Variants in SPAG16 observed in about 807,000 individuals in gnomAD.
SPAG16 encodes sperm associated antigen 16.
A neutral mutation model predicts 80.4 loss-of-function variants in SPAG16; 86 were observed. The ratio of observed to expected loss-of-function variants is 1.07; its 90% CI spans 0.90 to 1.28. The LOEUF (loss-of-function observed/expected upper bound fraction) is 1.28. SPAG16 is among the 50% of genes most tolerant of loss of function. The probability of loss-of-function intolerance (pLI) is 0.00; values close to 1 mark genes in which losing one functional copy is unlikely to be tolerated. For synonymous variants in SPAG16, 294 were observed against 265.9 expected (o/e 1.11, Z -1.03); for missense variants, 870 against 765.3 (o/e 1.14, Z -1.61).
At chr2:213,889,166 G>GA (rs1461725799) in intron 11 of SPAG16, among the ~76,000 whole-genome samples, 1 of 151,844 alleles carries the variant, frequency 6.6e-6, no homozygotes, top group African/African-American at 2.4e-5. Flanking sequence ...TAAGAAGATA[G>GA]AAAGCCATCT....
intron 10 of SPAG16, among the ~76,000 whole-genome samples, chr2:213,608,467 T>C (rs2061338714): frequency 6.6e-6 from 1 of 152,216 alleles, no homozygotes. Flanking sequence ...AATGATGGTT[T>C]CCAGCTTCAT....
intron 9 of SPAG16, among the ~76,000 whole-genome samples, chr2:213,447,586 G>C (rs1313074850): frequency 6.6e-6 from 1 of 152,208 alleles, no homozygotes; most frequent in Admixed American, 6.5e-5. Context: ...CCCTCGGATT[G>C]CTTCTTTATG....
At chr2:213,577,309 T>C (rs1193066466) in intron 10 of SPAG16, among the ~76,000 whole-genome samples, 1 of 152,180 alleles carries the variant, frequency 6.6e-6, no homozygotes, top group East Asian at 1.9e-4. Context: ...ATCTACTTCC[T>C]GTATCATCTT....
intron 13 of SPAG16, among the ~76,000 whole-genome samples, chr2:214,067,646 A>C (rs561273399): frequency 2.0e-5 from 3 of 152,236 alleles, no homozygotes; most frequent in South Asian, 4.1e-4. Context: ...AAAAAAAAAA[A>C]CTAAAATTTT....
rs79951501 is a variant in SPAG16 at position 214,185,385 on chromosome 2, T to C, written c.1720+36119T>C. Among the ~76,000 whole-genome samples the C allele has an allele frequency of 3.8e-4, 58 of 152,112 alleles. No homozygotes were observed. In the East Asian group the frequency reaches 0.01, roughly 26 times the overall value. ...AGTTACTGGGTAGAAGCAGTTTGTGTTTGGAAATGAGAATACTAATTTGGA... is the reference window on the plus strand; with the variant it reads ...AGTTACTGGGTAGAAGCAGTTTGTGCTTGGAAATGAGAATACTAATTTGGA... On this transcript the variant is annotated intron_variant, in intron 15 of 15. Transcript: ENST00000331683.
chr2:213,582,593 T>C (rs1443415339), intron 10 of SPAG16, among the ~76,000 whole-genome samples: 2 of 152,184 alleles, frequency 1.3e-5, no homozygotes, highest in Admixed American at 1.3e-4. Flanking sequence ...GTTTAAGTTA[T>C]TTTTTGTGCT....
At chr2:213,833,202 G>A (rs1041545454) in intron 10 of SPAG16, among the ~76,000 whole-genome samples, 2 of 149,416 alleles carry the variant, frequency 1.3e-5, no homozygotes, top group African/African-American at 2.5e-5. Flanking sequence ...ATCCTTCCTC[G>A]CTTCAAATAC....
chr2:213,853,167 C>A (rs1009285215), intron 10 of SPAG16, among the ~76,000 whole-genome samples: 1 of 152,194 alleles, frequency 6.6e-6, no homozygotes, highest in East Asian at 1.9e-4. Flanking sequence ...GAAACATTTA[C>A]AATGTTGAAT....
intron 10 of SPAG16, among the ~76,000 whole-genome samples, chr2:213,625,068 CA>C (rs1291387915): frequency 1.3e-5 from 2 of 152,322 alleles, no homozygotes; most frequent in South Asian, 2.1e-4. Context: ...GCTGGAATTT[CA>C]GGCTTGAGCC....
chr2:213,971,175 A>G (rs7574563), intron 12 of SPAG16, among the ~76,000 whole-genome samples: 62,980 of 151,982 alleles, frequency 0.41, 13,079 homozygotes, highest in South Asian at 0.5. Flanking sequence ...AAAGATATTA[A>G]TCAGAAATGT....
At chr2:213,618,546 C>A (rs897201826) in intron 10 of SPAG16, among the ~76,000 whole-genome samples, 2 of 152,142 alleles carry the variant, frequency 1.3e-5, no homozygotes, top group African/African-American at 2.4e-5. Context: ...TTACTTAAAT[C>A]CAAAGCTATC....
At chr2:214,155,379 A>G (rs1393773284) in intron 15 of SPAG16, among the ~76,000 whole-genome samples, 1 of 152,174 alleles carries the variant, frequency 6.6e-6, no homozygotes, top group African/African-American at 2.4e-5. Context: ...CTCTTTTCAT[A>G]TATGGAGCTT....
chr2:213,832,898 A>G (rs2250423), intron 10 of SPAG16, among the ~76,000 whole-genome samples: 18 of 152,248 alleles, frequency 1.2e-4, no homozygotes, highest in African/African-American at 4.1e-4. Flanking sequence ...ACCAAGTGAT[A>G]GGCGAGGAAA....
chr2:213,737,856 T>C (rs910194415), intron 10 of SPAG16, among the ~76,000 whole-genome samples: 3 of 152,200 alleles, frequency 2.0e-5, no homozygotes, highest in African/African-American at 7.2e-5. Flanking sequence ...GAAGTTATTT[T>C]CGATTTTTGT....
chr2:213,776,537 G>C (rs534115492), intron 10 of SPAG16, among the ~76,000 whole-genome samples: 102 of 152,266 alleles, frequency 6.7e-4, no homozygotes, highest in African/African-American at 2.3e-3. Flanking sequence ...GCGGTAATTT[G>C]CTACAGCAGC....
chr2:213,330,309 G>A lies in SPAG16; in HGVS notation c.537-9854G>A, dbSNP rs145376304. 8.4e-3 allele frequency among the ~76,000 whole-genome samples: 1,277 copies of A among 152,316 alleles called. 5 individuals carry two copies. The highest frequency in any genetic ancestry group is 0.015 in the Non-Finnish European group (996 of 68,026). ...AACACCAGCCCATGAAAGCACCCAG[G>A]AGGGAGGGTGTACCTTGTAAAGCCA... On this transcript the variant is annotated intron_variant, in intron 5 of 15. Coordinates refer to ENST00000331683, the MANE Select transcript of SPAG16 (RefSeq NM_024532.5).
At chr2:213,870,648 A>G (rs2114642) in intron 11 of SPAG16, among the ~76,000 whole-genome samples, 90,351 of 151,990 alleles carry the variant, frequency 0.59, 28,735 homozygotes, top group South Asian at 0.85. Flanking sequence ...TCCACGAGAA[A>G]ATATATATAA....
At chr2:214,358,046 T>A (rs1032285107) in intron 15 of SPAG16, among the ~76,000 whole-genome samples, 1 of 151,984 alleles carries the variant, frequency 6.6e-6, no homozygotes, top group Non-Finnish European at 1.5e-5. Flanking sequence ...CACATATTCT[T>A]GATGTATCTT....
intron 13 of SPAG16, among the ~76,000 whole-genome samples, chr2:214,020,630 C>A (rs530760115): frequency 1.3e-5 from 2 of 152,038 alleles, no homozygotes; most frequent in African/African-American, 2.4e-5. Flanking sequence ...GATCCCTTGA[C>A]AAAAAATACA....
Sources: gnomAD v4.1 joint callset for allele counts (sites outside exome capture counted in the v4.1 genomes callset) on GRCh38, gnomAD v4.1.1 for gene constraint, MANE v1.5 for transcripts, NCBI Gene and HGNC (gene_info 2026-07-23, HGNC 2026-07-21) for gene names.